The following PAK5 variants were observed in gnomAD, a reference collection of about 807,000 sequenced individuals.
PAK5 encodes p21 (RAC1) activated kinase 5.
Under a neutral mutation model 65.9 loss-of-function variants are expected in PAK5, and 16 were observed. That is an observed-to-expected ratio of 0.24 (90% CI 0.16 to 0.37). PAK5 has a LOEUF of 0.37. Among genes scored for constraint, PAK5 ranks in the 10% least tolerant of loss-of-function variants. The probability of loss-of-function intolerance (pLI) is 1.00; values close to 1 mark genes in which losing one functional copy is unlikely to be tolerated. For synonymous variants in PAK5, 371 were observed against 354.9 expected (o/e 1.05, Z -0.51); for missense variants, 785 against 903.9 (o/e 0.87, Z 1.69).
At chr20:9,820,061 C>G (rs6056903) in intron 1 of PAK5, among the ~76,000 whole-genome samples, 1 of 152,154 alleles carries the variant, frequency 6.6e-6, no homozygotes, top group Non-Finnish European at 1.5e-5. Context: ...CTGGATGCTT[C>G]TGCTATACAG....
chr20:9,558,778 T>C (rs2045550220), intron 6 of PAK5, among the ~76,000 whole-genome samples: 1 of 152,186 alleles, frequency 6.6e-6, no homozygotes, highest in African/African-American at 2.4e-5. Context: ...GAATGGATAG[T>C]ATTTTAATAA....
At chr20:9,741,897 T>C (rs1043442818) in intron 1 of PAK5, among the ~76,000 whole-genome samples, 1 of 152,096 alleles carries the variant, frequency 6.6e-6, no homozygotes, top group Non-Finnish European at 1.5e-5. Flanking sequence ...CCCTCTTTCC[T>C]GTCTTGAAAG....
chr20:9,708,167 G>T (rs1425539498), intron 2 of PAK5, among the ~76,000 whole-genome samples: 2 of 152,116 alleles, frequency 1.3e-5, no homozygotes, highest in Non-Finnish European at 1.5e-5. Flanking sequence ...TAATAGATGA[G>T]TGTCAGAAAA....
chr20:9,669,073 T>C (rs758505352), intron 2 of PAK5, among the ~76,000 whole-genome samples: 1 of 152,188 alleles, frequency 6.6e-6, no homozygotes, highest in Admixed American at 6.5e-5. Context: ...ATAAAAGTGA[T>C]TTACAAAAAA....
chr20:9,716,536 T>TTA (rs964345123), intron 1 of PAK5, among the ~76,000 whole-genome samples: 5 of 152,366 alleles, frequency 3.3e-5, no homozygotes, highest in Non-Finnish European at 2.9e-5. Context: ...GTTAGCATCA[T>TTA]TATATTACAT....
At chr20:9,542,388 T>C (rs549878950) in intron 9 of PAK5, among the ~76,000 whole-genome samples, 198 bp downstream of exon 9, 2 of 152,292 alleles carry the variant, frequency 1.3e-5, no homozygotes, top group East Asian at 1.9e-4. Context: ...TGAAGAACTT[T>C]GGCATAGGAA....
At chr20:9,707,021 CCTCT>C (rs2048016934) in intron 2 of PAK5, among the ~76,000 whole-genome samples, 1 of 152,016 alleles carries the variant, frequency 6.6e-6, no homozygotes, top group African/African-American at 2.4e-5. Context: ...CTTTAATCCT[CCTCT>C]CTCTCCCTCA....
intron 3 of PAK5, among the ~76,000 whole-genome samples, chr20:9,640,814 G>C (rs1428101429): frequency 6.6e-6 from 1 of 152,038 alleles, no homozygotes; most frequent in African/African-American, 2.4e-5. Flanking sequence ...TCCTCCTGGT[G>C]GGCTCGTGGT....
chr20:9,539,912 T>C (rs2045233021), intron 9 of PAK5, among the ~76,000 whole-genome samples: 1 of 152,162 alleles, frequency 6.6e-6, no homozygotes, highest in Non-Finnish European at 1.5e-5. Flanking sequence ...TTACAAAATA[T>C]TTAGTATGTG....
At chr20:9,557,560 A>G (rs771885868) in intron 7 of PAK5, 48 bp downstream of exon 7, 4 of 1,546,818 alleles carry the variant, frequency 2.6e-6, no homozygotes, top group Non-Finnish European at 3.5e-6. Flanking sequence ...CCCATGACAG[A>G]CAGAGTGACA....
chr20:9,621,731 G>C (rs1248162872), intron 3 of PAK5, among the ~76,000 whole-genome samples: 1 of 152,200 alleles, frequency 6.6e-6, no homozygotes, highest in African/African-American at 2.4e-5. Context: ...CTCCTCCTGA[G>C]AACAGCCCAC....
At chr20:9,761,878 A>T (rs2048704422) in intron 1 of PAK5, among the ~76,000 whole-genome samples, 1 of 152,146 alleles carries the variant, frequency 6.6e-6, no homozygotes, top group Non-Finnish European at 1.5e-5. Context: ...CATATAAAAA[A>T]TTGTTGAGAA....
intron 1 of PAK5, among the ~76,000 whole-genome samples, chr20:9,780,116 T>C (rs1186259324): frequency 6.6e-6 from 1 of 152,094 alleles, no homozygotes; most frequent in Non-Finnish European, 1.5e-5. Context: ...ATAACTTTTC[T>C]AGATTTGTGG....
chr20:9,640,122 T>C (rs1329521924), intron 3 of PAK5, among the ~76,000 whole-genome samples: 1 of 151,898 alleles, frequency 6.6e-6, no homozygotes, highest in African/African-American at 2.4e-5. Context: ...TTGTTACATA[T>C]ATATACATGT....
rs146230899 is a variant in PAK5, at chr20:9,707,446, A to G, written c.-12+3840T>C. On this transcript the variant is annotated intron_variant, in intron 2 of 9. Transcript: ENST00000353224. ...TCTTCCAATCTTATTTGGCTAGGGA[A>G]TACCTACTTACTCTGTAATCTTTTA... 1.6e-4 allele frequency among the ~76,000 whole-genome samples: 24 copies of G among 152,312 alleles called. No homozygotes were observed. In the East Asian group the frequency reaches 4.4e-3, roughly 28 times the overall value.
intron 1 of PAK5, among the ~76,000 whole-genome samples, chr20:9,812,590 C>T (rs530916646): frequency 5.3e-5 from 8 of 151,976 alleles, no homozygotes; most frequent in Non-Finnish European, 2.9e-5. Flanking sequence ...AGATGTACAC[C>T]CAAGGGAAGT....
intron 1 of PAK5, among the ~76,000 whole-genome samples, chr20:9,784,756 G>A (rs1385636626): frequency 6.6e-6 from 1 of 151,700 alleles, no homozygotes; most frequent in Non-Finnish European, 1.5e-5. Context: ...CGTATTCTCT[G>A]TGAAGTGAAA....
At chr20:9,822,203 T>G (rs2049429690) in intron 1 of PAK5, among the ~76,000 whole-genome samples, 1 of 151,284 alleles carries the variant, frequency 6.6e-6, no homozygotes. Flanking sequence ...GCTGAAGGAT[T>G]GCCTGAACCC....
At chr20:9,738,944 G>T (rs1244655864) in intron 1 of PAK5, among the ~76,000 whole-genome samples, 1 of 151,986 alleles carries the variant, frequency 6.6e-6, no homozygotes, top group African/African-American at 2.4e-5. Context: ...ACCACGTGAG[G>T]CTAATGGCTA....
Sources: allele counts gnomAD v4.1 joint callset (sites outside exome capture counted in the v4.1 genomes callset), GRCh38; gene constraint gnomAD v4.1.1; transcripts MANE v1.5; gene names NCBI Gene and HGNC (gene_info 2026-07-23, HGNC 2026-07-21).